The following DTWD2 variants were observed in gnomAD, a reference collection of about 807,000 sequenced individuals.
DTWD2 encodes the protein tRNA-uridine aminocarboxypropyltransferase 2.
In DTWD2, 39 loss-of-function variants were observed where a neutral mutation model predicts 31.8. That is an observed-to-expected ratio of 1.22 (90% CI 0.95 to 1.60). The LOEUF (loss-of-function observed/expected upper bound fraction) is 1.60, where lower values mean the gene tolerates loss of function less well. Among genes scored for constraint, DTWD2 ranks in the 40% most tolerant of loss-of-function variants. The pLI, the probability that DTWD2 is intolerant of heterozygous loss-of-function variation, is 0.00. For synonymous variants in DTWD2, 180 were observed against 142.8 expected (o/e 1.26, Z -1.86); for missense variants, 515 against 381.5 (o/e 1.35, Z -2.92).
intron 4 of DTWD2, among the ~76,000 whole-genome samples, chr5:118,859,799 T>A (rs1752218776): frequency 6.6e-6 from 1 of 152,116 alleles, no homozygotes; most frequent in South Asian, 2.1e-4. Flanking sequence ...CACTTTTTTA[T>A]AAAAATAGGA....
At chr5:118,910,678 A>C (rs1383459025) in intron 4 of DTWD2, among the ~76,000 whole-genome samples, 2 of 152,222 alleles carry the variant, frequency 1.3e-5, no homozygotes, top group African/African-American at 4.8e-5. Context: ...TTGTTACAAC[A>C]GCACCCCACT....
intron 4 of DTWD2, among the ~76,000 whole-genome samples, chr5:118,919,809 A>G (rs937299748): frequency 6.6e-6 from 1 of 152,136 alleles, no homozygotes; most frequent in African/African-American, 2.4e-5. Flanking sequence ...TATTTATACT[A>G]TATTTGAAAT....
At chr5:118,882,387 T>A (rs1443262827) in intron 4 of DTWD2, among the ~76,000 whole-genome samples, 2 of 152,190 alleles carry the variant, frequency 1.3e-5, no homozygotes, top group Non-Finnish European at 1.5e-5. Flanking sequence ...TCCAGGTGCA[T>A]GGTGCAAGCT....
At chr5:118,928,973 A>G (rs180902958) in intron 3 of DTWD2, among the ~76,000 whole-genome samples, 1 of 152,134 alleles carries the variant, frequency 6.6e-6, no homozygotes, top group African/African-American at 2.4e-5. Context: ...TTCTCTATCA[A>G]AGCTTTTCTA....
chr5:118,950,066 T>A (rs2149588383), intron 1 of DTWD2, among the ~76,000 whole-genome samples: 1 of 151,836 alleles, frequency 6.6e-6, no homozygotes, highest in South Asian at 2.1e-4. Context: ...AAAAATTAGC[T>A]GGGCATGGTG....
Position 118,841,007 on chromosome 5 carries a change from A to G in DTWD2, c.807T>C (p.Leu269=). The G allele has an allele frequency of 6.2e-7, 1 of 1,613,800 alleles. No homozygotes were observed. The highest frequency in any genetic ancestry group is 8.5e-7 in the Non-Finnish European group (1 of 1,179,838). The stretch of plus-strand genomic sequence containing the variant: ...GTTTAGGATATAATCCATTTTTCAG[A>G]AGGTGTTCCTTGCTGAGGCGAATTT... ...GAQIRLSKEH[L]LKNGLYPKPM... Residue 269 remains leucine, a synonymous_variant, in exon 6 of 6, where the codon CTT becomes CTC. Transcript: ENST00000510708.
chr5:118,955,494 T>C (rs749831469), intron 1 of DTWD2, among the ~76,000 whole-genome samples: 1 of 152,212 alleles, frequency 6.6e-6, no homozygotes, highest in Non-Finnish European at 1.5e-5. Flanking sequence ...TAATAATGGA[T>C]TGAATAATTT....
chr5:118,976,473 A>C (rs1755162896), intron 1 of DTWD2, among the ~76,000 whole-genome samples: 1 of 152,208 alleles, frequency 6.6e-6, no homozygotes, highest in Non-Finnish European at 1.5e-5. Context: ...AAAGAGAAGA[A>C]TCAAATAGAC....
intron 4 of DTWD2, among the ~76,000 whole-genome samples, chr5:118,864,687 G>A (rs141097744): frequency 9.4e-4 from 140 of 149,230 alleles, no homozygotes; most frequent in African/African-American, 3.3e-3. Context: ...TAAGTGTTAG[G>A]GTACATGTGT....
intron 4 of DTWD2, among the ~76,000 whole-genome samples, chr5:118,914,934 T>C (rs921168425): frequency 2.0e-5 from 3 of 152,156 alleles, no homozygotes; most frequent in Non-Finnish European, 2.9e-5. Context: ...AACAAAAATA[T>C]ATTAATATAA....
chr5:118,897,711 A>G (rs141425600), intron 4 of DTWD2, among the ~76,000 whole-genome samples: 1 of 152,298 alleles, frequency 6.6e-6, no homozygotes, highest in African/African-American at 2.4e-5. Context: ...CACTGGCCAG[A>G]CCTGACATAA....
intron 4 of DTWD2, among the ~76,000 whole-genome samples, chr5:118,881,842 C>T (rs965972816): frequency 6.6e-6 from 1 of 152,148 alleles, no homozygotes; most frequent in Non-Finnish European, 1.5e-5. Context: ...CAGGTCCGTC[C>T]TCCAACACTG....
In DTWD2 at chr5:118,988,358, C is replaced by G; in HGVS notation, c.154G>C (p.Ala52Pro). The G allele has an allele frequency of 6.4e-7, 1 of 1,565,712 alleles. No individual in the cohort carries two copies. The highest frequency in any genetic ancestry group is 1.9e-5 in the Admixed American group (1 of 53,188). Residue 52 changes from alanine (A) to proline (P), a missense_variant, in exon 1 of 6, where the codon GCG becomes CCG. Coordinates refer to ENST00000510708, the MANE Select transcript of DTWD2 (RefSeq NM_173666.4). ...ACCGGCAGCTCCCACAGCCCGTCCG[C>G]ACTGTCGTCGTCCGCCTCTGCGCCC... ...ALGAEADDDSADGLWELPVEP... is the reference protein window; with the variant it reads ...ALGAEADDDSPDGLWELPVEP...
intron 4 of DTWD2, among the ~76,000 whole-genome samples, chr5:118,857,490 T>G (rs1752165034): frequency 6.6e-6 from 1 of 152,212 alleles, no homozygotes; most frequent in South Asian, 2.1e-4. Context: ...TGTTTAAGTC[T>G]TTTACCCATT....
At chr5:118,875,315 C>A (rs1484860571) in intron 4 of DTWD2, among the ~76,000 whole-genome samples, 1 of 152,086 alleles carries the variant, frequency 6.6e-6, no homozygotes, top group African/African-American at 2.4e-5. Flanking sequence ...AAATAACCAG[C>A]TAGCATCATG....
intron 4 of DTWD2, among the ~76,000 whole-genome samples, chr5:118,853,601 C>T (rs1348062902): frequency 2.6e-5 from 4 of 152,092 alleles, no homozygotes; most frequent in Non-Finnish European, 2.9e-5. Context: ...TTTGCAGCAA[C>T]GTGATGCTGC....
chr5:118,873,406 G>A (rs1752550730), intron 4 of DTWD2, among the ~76,000 whole-genome samples: 1 of 152,186 alleles, frequency 6.6e-6, no homozygotes, highest in South Asian at 2.1e-4. Flanking sequence ...CCAGTGCCCT[G>A]GGGGCCTATA....
intron 1 of DTWD2, among the ~76,000 whole-genome samples, chr5:118,985,517 T>TATATATATATATATACAC (rs1554072595): frequency 5.6e-5 from 6 of 107,724 alleles, no homozygotes; most frequent in South Asian, 6.1e-4. Flanking sequence ...TATATATATA[T>TATATATATATATATACAC]ACACACACAT....
intron 4 of DTWD2, among the ~76,000 whole-genome samples, chr5:118,889,432 A>G (rs1024606140): frequency 1.3e-5 from 2 of 152,318 alleles, no homozygotes; most frequent in South Asian, 2.1e-4. Context: ...TGAATAAAGA[A>G]GCTCTTCATA....
Sources: allele counts gnomAD v4.1 joint callset (sites outside exome capture counted in the v4.1 genomes callset), GRCh38; gene constraint gnomAD v4.1.1; transcripts MANE v1.5; gene names NCBI Gene and HGNC (gene_info 2026-07-23, HGNC 2026-07-21).